The following TRAF3IP3 variants were observed in gnomAD, a reference collection of about 807,000 sequenced individuals.
TRAF3IP3 encodes the protein TRAF3-interacting JNK-activating modulator.
TRAF3IP3 carries 64 observed loss-of-function variants against 86.5 expected under a neutral mutation model. That is an observed-to-expected ratio of 0.74 (90% CI 0.60 to 0.91). The LOEUF (loss-of-function observed/expected upper bound fraction) is 0.91, where lower values mean the gene tolerates loss of function less well. TRAF3IP3 is among the 40% of genes least tolerant of loss of function. The pLI is 0.00. For missense variants in TRAF3IP3, 579 were observed against 642.9 expected (o/e 0.90, Z 1.07); for synonymous variants, 220 against 243.9 (o/e 0.90, Z 0.91).
chr1:209,768,835 A>G (rs2077407363), intron 8 of TRAF3IP3, among the ~76,000 whole-genome samples: 2 of 152,214 alleles, frequency 1.3e-5, no homozygotes, highest in African/African-American at 4.8e-5. Flanking sequence ...TCAGACCAGG[A>G]AACTACATGC....
At position 209,763,345 on chromosome 1, in the gene TRAF3IP3, C is replaced by G; in HGVS notation, c.577-18C>G. The G allele has an allele frequency of 6.2e-7, 1 of 1,612,684 alleles. No homozygotes were observed. Among genetic ancestry groups the G allele is most frequent in the Non-Finnish European group, 8.5e-7 (1 of 1,179,710 alleles). On this transcript the variant is annotated intron_variant, in intron 6 of 16. Transcript: ENST00000367025. ...GGGACTTACAGACATTTTGAATACCCTTGTTCTTTCTCTCCAGGAAATCAT... is the reference window on the plus strand; with the variant it reads ...GGGACTTACAGACATTTTGAATACCGTTGTTCTTTCTCTCCAGGAAATCAT...
Position 209,779,723 on chromosome 1 carries a change from T to C in TRAF3IP3, c.1312+349T>C, listed in dbSNP as rs1025824699. ...TCCAACTCCCCAGCCCCAAACCACATAGCAGTCCAGAGTCAACTCACTGTT... is the reference window on the plus strand; with the variant it reads ...TCCAACTCCCCAGCCCCAAACCACACAGCAGTCCAGAGTCAACTCACTGTT... On this transcript the variant is annotated intron_variant, in intron 14 of 16. Coordinates refer to ENST00000367025, the MANE Select transcript of TRAF3IP3 (RefSeq NM_025228.4). 6.9e-6 allele frequency: 4 copies of C among 576,838 alleles called. 1 individual carries two copies. The highest frequency in any genetic ancestry group is 6.2e-5 in the South Asian group (3 of 48,422). The allele number at this position is 576,838 out of a possible 1,614,324, so 35.7% of individuals were successfully genotyped here.
chr1:209,777,800 G>A (rs1182398573), intron 12 of TRAF3IP3: 8 of 512,420 alleles, frequency 1.6e-5, no homozygotes, highest in Non-Finnish European at 2.4e-5. Context: ...AATTTGAAAG[G>A]GAAAGGTCAG....
In TRAF3IP3 at chr1:209,763,577, G is replaced by C; in HGVS notation, c.692G>C (p.Ser231Thr). ...LLSTLIQASD[S>T]SWKGQLNEDK... ...TCCACTCTGATTCAGGCCTCTGACA[G>C]CTCTTGGAAGGTAAGGGAATGAAAT... Residue 231 changes from serine to threonine, a missense_variant, in exon 8 of 17, where the codon AGC (serine) becomes ACC (threonine). By Grantham distance (58) the Ser-to-Thr change is moderately conservative (BLOSUM62 1). Transcript: ENST00000367025. 1 of 1,613,320 alleles carries C rather than the reference G, an allele frequency of 6.2e-7. No homozygotes were observed.
chr1:209,770,467 A>AC, intron 8 of TRAF3IP3, among the ~76,000 whole-genome samples: 1 of 118,612 alleles, frequency 8.4e-6, no homozygotes, highest in East Asian at 2.3e-4. Flanking sequence ...GTGCATGTGG[A>AC]GGTGTGTGTG....
intron 14 of TRAF3IP3, 52 bp downstream of exon 14, chr1:209,779,426 C>A: frequency 6.6e-7 from 1 of 1,524,372 alleles, no homozygotes; most frequent in Non-Finnish European, 9.1e-7. Context: ...CTCTTACCTG[C>A]CTAGAGGCAG....
chr1:209,765,286 G>GAAGA (rs1423805219), intron 8 of TRAF3IP3, among the ~76,000 whole-genome samples: 1 of 86,346 alleles, frequency 1.2e-5, no homozygotes. Flanking sequence ...AGGAAGGAAG[G>GAAGA]AAGAAATTAA....
Position 209,763,069 on chromosome 1 carries a change from T to C in TRAF3IP3, c.553T>C (p.Tyr185His), listed in dbSNP as rs749877588. ...ATTTTTAATTTCTTCTCTTTCCAGTTACGGAGTTGCAGTTCTGGATAAGGT... is the reference window on the plus strand; with the variant it reads ...ATTTTTAATTTCTTCTCTTTCCAGTCACGGAGTTGCAGTTCTGGATAAGGT... The part of the protein sequence containing the change: ...IKNDASQQTN[Y>H]GVAVLDKEII... Residue 185 changes from tyrosine (Y) to histidine (H), a missense_variant and splice_region_variant, in exon 6 of 17, where the codon TAC (tyrosine) becomes CAC (histidine). Coordinates refer to ENST00000367025, the MANE Select transcript of TRAF3IP3 (RefSeq NM_025228.4). 1.2e-6 allele frequency: 2 copies of C among 1,613,560 alleles called. No individual in the cohort carries two copies. The highest frequency in any genetic ancestry group is 2.7e-5 in the African/African-American group (2 of 74,928).
chr1:209,760,427 C>G lies in TRAF3IP3; in HGVS notation c.345+43C>G, dbSNP rs528396933. 16 of 1,490,320 alleles carry G rather than the reference C, an allele frequency of 1.1e-5. No individual in the cohort carries two copies. The African/African-American group carries it at 2.2e-4, about 21-fold the overall frequency. The allele number at this position is 1,490,320 out of a possible 1,614,324, so 92.3% of individuals were successfully genotyped here. On this transcript the variant is annotated intron_variant, in intron 3 of 16. Transcript: ENST00000367025. ...ACATACTGCTGTGTGCTCTGGGACC[C>G]TCTCTGGACAAGGAGGGTGGGTGGG... is the stretch of plus-strand genomic sequence containing the variant.
chr1:209,762,940 T>G, intron 5 of TRAF3IP3, 70 bp downstream of exon 5: 1 of 1,607,954 alleles, frequency 6.2e-7, no homozygotes, highest in Non-Finnish European at 8.5e-7. Flanking sequence ...TGAATTTCCA[T>G]GTCCGCCTTA....
Position 209,760,404 on chromosome 1 carries a change from ATAC to A in TRAF3IP3, c.345+22_345+24del, listed in dbSNP as rs1258292294. On this transcript the variant is annotated intron_variant, in intron 3 of 16. Transcript: ENST00000367025. ...GAGCAGGTGGGCCGTGTCAAGGGACATACTGCTGTGTGCTCTGGGACCCTCTCT... is the reference window on the plus strand; with the variant it reads ...GAGCAGGTGGGCCGTGTCAAGGGACATGCTGTGTGCTCTGGGACCCTCTCT... 1 of 1,551,102 alleles carries A rather than the reference ATAC, an allele frequency of 6.4e-7. No homozygotes were observed. Among genetic ancestry groups the A allele is most frequent in the South Asian group, 1.2e-5 (1 of 84,196 alleles).
chr1:209,757,298 G>C (rs771648632), intron 1 of TRAF3IP3, among the ~76,000 whole-genome samples: 2 of 152,220 alleles, frequency 1.3e-5, no homozygotes, highest in Non-Finnish European at 2.9e-5. Context: ...GGAGAGCCCA[G>C]AGAGACCTCA....
intron 3 of TRAF3IP3, among the ~76,000 whole-genome samples, chr1:209,761,371 T>G (rs1180224087): frequency 6.6e-6 from 1 of 152,204 alleles, no homozygotes; most frequent in East Asian, 1.9e-4. Context: ...AACCAGGGTA[T>G]GCTGAGATGA....
chr1:209,770,541 A>T (rs574129819), intron 8 of TRAF3IP3, among the ~76,000 whole-genome samples: 1 of 142,544 alleles, frequency 7.0e-6, no homozygotes, highest in Non-Finnish European at 1.5e-5. Context: ...GTGCGTGTGC[A>T]GGTGGAGGTG....
chr1:209,768,565 G>A, intron 8 of TRAF3IP3: 1 of 985,712 alleles, frequency 1.0e-6, no homozygotes, highest in Non-Finnish European at 1.2e-6. Flanking sequence ...GTGGGCTGGT[G>A]CTTCTGTGGT....
At chr1:209,761,931 C>G (rs562398586) in intron 3 of TRAF3IP3, among the ~76,000 whole-genome samples, 2 of 152,372 alleles carry the variant, frequency 1.3e-5, no homozygotes, top group Admixed American at 1.3e-4. Context: ...AAAAGTACAG[C>G]TCCACATATG....
At chr1:209,777,578 C>G in intron 12 of TRAF3IP3, 91 bp downstream of exon 12, 1 of 1,346,310 alleles carries the variant, frequency 7.4e-7, no homozygotes, top group Non-Finnish European at 1.0e-6. Context: ...AGGCTTCAGC[C>G]TTTTATTTGT....
intron 8 of TRAF3IP3, among the ~76,000 whole-genome samples, chr1:209,766,296 G>A (rs1445688986): frequency 6.6e-6 from 1 of 152,142 alleles, no homozygotes; most frequent in Non-Finnish European, 1.5e-5. Context: ...GGTGGTTTCT[G>A]GTCCTGAACT....
chr1:209,780,137 A>G (rs1412000115), intron 14 of TRAF3IP3: 1 of 171,034 alleles, frequency 5.8e-6, no homozygotes, highest in African/African-American at 2.4e-5. Context: ...AGCATTTACC[A>G]AACTTATTTG....
Sources: gnomAD v4.1 joint callset for allele counts (sites outside exome capture counted in the v4.1 genomes callset) on GRCh38, gnomAD v4.1.1 for gene constraint, MANE v1.5 for transcripts, NCBI Gene and HGNC (gene_info 2026-07-23, HGNC 2026-07-21) for gene names.